The following TTC28 variants were observed in gnomAD, a reference collection of about 807,000 sequenced individuals.
The protein encoded by TTC28 is tetratricopeptide repeat domain 28.
TTC28 carries 61 observed loss-of-function variants against 198.0 expected under a neutral mutation model. The observed-to-expected ratio is 0.31, with a 90% CI of 0.25 to 0.38. The LOEUF (loss-of-function observed/expected upper bound fraction) is 0.38, where lower values mean the gene tolerates loss of function less well. Ranked by LOEUF, TTC28 falls within the 10% of genes least tolerant of loss-of-function variation. TTC28 has a pLI of 1.00. For missense variants in TTC28, 2,678 were observed against 3,164.0 expected (o/e 0.85, Z 3.69); for synonymous variants, 1,171 against 1,297.8 (o/e 0.90, Z 2.10).
intron 2 of TTC28, 38 bp from the exon 3 acceptor site, chr22:28,306,681 G>A (rs2045153363): frequency 1.3e-6 from 2 of 1,545,034 alleles, no homozygotes; most frequent in African/African-American, 2.7e-5. Flanking sequence ...TAATGCCTGT[G>A]CTCCAACAAG....
intron 2 of TTC28, among the ~76,000 whole-genome samples, chr22:28,601,688 T>C (rs2146120464): frequency 6.6e-6 from 1 of 151,904 alleles, no homozygotes; most frequent in African/African-American, 2.4e-5. Flanking sequence ...ATACTAAGAT[T>C]ATAGAGCCTC....
At chr22:28,140,746 T>G (rs1455198264) in intron 6 of TTC28, among the ~76,000 whole-genome samples, 1 of 152,236 alleles carries the variant, frequency 6.6e-6, no homozygotes, top group Non-Finnish European at 1.5e-5. Context: ...TAATTAATTT[T>G]TATAACTCTC....
intron 1 of TTC28, among the ~76,000 whole-genome samples, chr22:28,654,654 C>T (rs143845248): frequency 3.9e-5 from 6 of 152,288 alleles, no homozygotes; most frequent in Non-Finnish European, 7.4e-5. Context: ...AATGCCCACT[C>T]CTTTCTTTCC....
At chr22:28,106,993 G>A in intron 7 of TTC28, 69 bp downstream of exon 7, 1 of 1,478,364 alleles carries the variant, frequency 6.8e-7, no homozygotes, top group Non-Finnish European at 9.0e-7. Context: ...CAGACACGAA[G>A]TTGCCTTTAC....
chr22:28,338,889 C>G (rs2045779110), intron 2 of TTC28, among the ~76,000 whole-genome samples: 1 of 152,218 alleles, frequency 6.6e-6, no homozygotes, highest in Non-Finnish European at 1.5e-5. Context: ...AAGTCGTTCT[C>G]CATTCAGCTT....
In TTC28 at chr22:28,086,825, G is replaced by T. The variant is rs537081215; in HGVS notation, c.3932+7255C>A. Reference sequence around the variant, plus strand: ...TAGATGCAATAAAAAATGATAAAGGGGATATCACCACCGATCCCACAGAAA... The same window carrying T: ...TAGATGCAATAAAAAATGATAAAGGTGATATCACCACCGATCCCACAGAAA... On this transcript the variant is annotated intron_variant, in intron 12 of 22. Transcript: ENST00000397906. Among the ~76,000 whole-genome samples, 1,060 of 151,808 alleles carry T rather than the reference G, an allele frequency of 7.0e-3. 12 individuals are homozygous for T. The highest frequency in any genetic ancestry group is 0.025 in the African/African-American group (1,023 of 41,398).
chr22:28,183,821 A>T (rs568253314), intron 5 of TTC28, among the ~76,000 whole-genome samples: 109 of 152,322 alleles, frequency 7.2e-4, no homozygotes, highest in Non-Finnish European at 9.8e-4. Flanking sequence ...AATAATAATT[A>T]AAAAAATTAA....
chr22:28,390,229 C>A (rs1393435125), intron 2 of TTC28, among the ~76,000 whole-genome samples: 2 of 152,076 alleles, frequency 1.3e-5, no homozygotes, highest in East Asian at 1.9e-4. Context: ...AATTTCTGTT[C>A]TTTTACATTT....
intron 12 of TTC28, among the ~76,000 whole-genome samples, chr22:28,079,878 G>A (rs1168966579): frequency 6.6e-6 from 1 of 152,040 alleles, no homozygotes; most frequent in Non-Finnish European, 1.5e-5. Flanking sequence ...ATAGGCATAC[G>A]ACCACATCTG....
intron 12 of TTC28, among the ~76,000 whole-genome samples, chr22:28,087,176 C>T (rs1460810896): frequency 1.3e-5 from 2 of 152,216 alleles, no homozygotes; most frequent in East Asian, 1.9e-4. Flanking sequence ...CCAGCATCAT[C>T]CTGATACCAA....
intron 12 of TTC28, among the ~76,000 whole-genome samples, chr22:28,088,546 A>T (rs1275312155): frequency 1.3e-5 from 2 of 151,354 alleles, no homozygotes; most frequent in East Asian, 1.9e-4. Context: ...GTTAGACCTA[A>T]AACCATAAAA....
intron 2 of TTC28, among the ~76,000 whole-genome samples, chr22:28,395,072 T>C (rs2046792949): frequency 1.3e-5 from 2 of 152,280 alleles, no homozygotes; most frequent in Non-Finnish European, 2.9e-5. Flanking sequence ...GACAGGAACA[T>C]GAGTTTCAAT....
At chr22:28,101,336 C>G (rs1942146387) in intron 8 of TTC28, 56 bp from the exon 9 acceptor site, 2 of 1,368,952 alleles carry the variant, frequency 1.5e-6, no homozygotes, top group Non-Finnish European at 2.0e-6. Flanking sequence ...TTCCACTATC[C>G]TAAGGAGTCC....
intron 2 of TTC28, among the ~76,000 whole-genome samples, chr22:28,357,878 A>G (rs1356371569): frequency 6.6e-6 from 1 of 152,150 alleles, no homozygotes; most frequent in African/African-American, 2.4e-5. Context: ...GCAACATGAG[A>G]GCCGATTCGT....
chr22:27,982,442 C>G lies in TTC28; in HGVS notation c.7225G>C (p.Asp2409His), dbSNP rs1392575058. ...PRHNKKEEGV[D>H]KLELKELSLQ... is the part of the protein sequence containing the mutation. ...GACAGCTCCTTCAGTTCAAGCTTAT[C>G]CACTCCCTCCTCCTTCTTATTGTGC... Residue 2409 changes from aspartate to histidine, a missense_variant, in exon 23 of 23, where the codon GAT becomes CAT. Asp to His is a moderately conservative substitution (Grantham distance 81, BLOSUM62 -1). Transcript: ENST00000397906. The surrounding 1 kb of genome is among the most constrained non-coding windows in gnomAD (Gnocchi z 5.2). The G allele has an allele frequency of 1.9e-6, 3 of 1,551,474 alleles. No individual in the cohort carries two copies. The highest frequency in any genetic ancestry group is 2.6e-6 in the Non-Finnish European group (3 of 1,146,956).
chr22:28,014,201 G>A lies in TTC28; in HGVS notation c.4218+47C>T, dbSNP rs368744370. The A allele has an allele frequency of 2.6e-3, 4,021 of 1,520,108 alleles. 10 individuals carry two copies. The highest frequency in any genetic ancestry group is 3.3e-3 in the Non-Finnish European group (3,743 of 1,130,592). The allele number at this position is 1,520,108 out of a possible 1,614,324, so 94.2% of individuals were successfully genotyped here. On this transcript the variant is annotated intron_variant, in intron 14 of 22. Transcript: ENST00000397906. ...TACATGTGGGCGCTGACTGGTAAGC[G>A]ATGTGTTCTGATGCGGAGGAGCCTT...
rs557508902 is a variant in TTC28, at chr22:28,364,036, A to G, written c.382-57393T>C. 1.0e-3 allele frequency among the ~76,000 whole-genome samples: 154 copies of G among 152,222 alleles called. 2 individuals are homozygous for G. The highest frequency in any genetic ancestry group is 3.3e-3 in the African/African-American group (139 of 41,530). The stretch of plus-strand genomic sequence containing the variant: ...TTTGGGGGACTGTTGAGAAGGCATG[A>G]TTCTGTTTTGAAATGTAGGACATGA... On this transcript the variant is annotated intron_variant, in intron 2 of 22. Coordinates refer to ENST00000397906, the MANE Select transcript of TTC28 (RefSeq NM_001145418.2).
chr22:28,121,217 G>A (rs769559361), intron 6 of TTC28, among the ~76,000 whole-genome samples: 1 of 152,122 alleles, frequency 6.6e-6, no homozygotes, highest in Admixed American at 6.6e-5. Context: ...CTCTTTATTT[G>A]AGCTGTAGAC....
intron 5 of TTC28, among the ~76,000 whole-genome samples, chr22:28,242,446 T>C (rs1929724088): frequency 6.6e-6 from 1 of 152,156 alleles, no homozygotes; most frequent in South Asian, 2.1e-4. Flanking sequence ...AATTATAAAA[T>C]ATTAGAAAAA....
Sources: gnomAD v4.1 joint callset for allele counts (sites outside exome capture counted in the v4.1 genomes callset) on GRCh38, gnomAD v4.1.1 for gene constraint, Gnocchi (gnomAD v3.1) non-coding constraint, MANE v1.5 for transcripts, NCBI Gene and HGNC (gene_info 2026-07-23, HGNC 2026-07-21) for gene names.